BEGAIN: variants seen among roughly 807,000 people sequenced by gnomAD.
BEGAIN encodes the protein brain-enriched guanylate kinase-associated protein.
Under a neutral mutation model 35.8 loss-of-function variants are expected in BEGAIN, and 19 were observed. That is an observed-to-expected ratio of 0.53 (90% CI 0.37 to 0.78). BEGAIN has a LOEUF of 0.78. Ranked by LOEUF, BEGAIN falls within the 30% of genes least tolerant of loss-of-function variation. The probability of loss-of-function intolerance (pLI) is 0.00; values close to 1 mark genes in which losing one functional copy is unlikely to be tolerated. For synonymous variants in BEGAIN, 462 were observed against 388.6 expected, an observed-to-expected ratio of 1.19 and a Z score of -2.22; for missense variants, 795 against 853.6, an observed-to-expected ratio of 0.93 and a Z score of 0.85.
chr14:100,575,538 C>T (rs1278191317), intron 1 of BEGAIN, among the ~76,000 whole-genome samples: 2 of 152,144 alleles, frequency 1.3e-5, no homozygotes, highest in Admixed American at 6.5e-5. Context: ...TAGAATGAGA[C>T]TGACCCTAGG....
chr14:100,559,282 C>A (rs1262966421), intron 2 of BEGAIN, among the ~76,000 whole-genome samples: 1 of 152,132 alleles, frequency 6.6e-6, no homozygotes, highest in Admixed American at 6.5e-5. Flanking sequence ...ATCGCTACTC[C>A]CTCCTCTCTC....
chr14:100,585,194 CCCATCCATCCATCCATCCAT>C (rs141222958), intron 1 of BEGAIN, among the ~76,000 whole-genome samples: 3 of 103,046 alleles, frequency 2.9e-5, no homozygotes, highest in African/African-American at 1.3e-4. Context: ...GTCAATCCCT[CCCATCCATCCATCCATCCAT>C]CCATCCATCC....
intron 1 of BEGAIN, among the ~76,000 whole-genome samples, chr14:100,578,534 G>C (rs955380001): frequency 3.4e-4 from 52 of 152,254 alleles, no homozygotes; most frequent in African/African-American, 1.2e-3. Context: ...TCGGCTAAAA[G>C]ACCACCTTTC....
In BEGAIN at chr14:100,537,679, A is replaced by T; in HGVS notation, c.*290T>A. ...TAAGAAAGACCCTTTTTCTCTATAAAAATAGTTTCGCTTTATAAAAGGGGG... is the reference window on the plus strand; with the variant it reads ...TAAGAAAGACCCTTTTTCTCTATAATAATAGTTTCGCTTTATAAAAGGGGG... On this transcript the variant is annotated 3_prime_UTR_variant, in exon 7 of 7. Coordinates refer to ENST00000554140, the MANE Select transcript of BEGAIN (RefSeq NM_001385089.1). 1 of 413,198 alleles carries T rather than the reference A, an allele frequency of 2.4e-6. No individual in the cohort carries two copies. Among genetic ancestry groups the T allele is most frequent in the Non-Finnish European group, 4.3e-6 (1 of 233,842 alleles). 25.6% of individuals were successfully genotyped at this position (413,198 alleles called of 1,614,324 possible).
chr14:100,543,356 G>C (rs2031925106), intron 5 of BEGAIN, among the ~76,000 whole-genome samples: 1 of 151,814 alleles, frequency 6.6e-6, no homozygotes, highest in Non-Finnish European at 1.5e-5. Context: ...AGCCTAGTAG[G>C]GTCTGGCAAG....
At chr14:100,545,749 A>G (rs2140509940) in intron 3 of BEGAIN, among the ~76,000 whole-genome samples, 3 of 152,318 alleles carry the variant, frequency 2.0e-5, no homozygotes, top group Middle Eastern at 6.8e-3. Context: ...GCACTGCCCA[A>G]GCTTGGTTTC....
At chr14:100,546,266 A>G (rs547565953) in intron 3 of BEGAIN, 1 of 256,484 alleles carries the variant, frequency 3.9e-6, no homozygotes, top group African/African-American at 2.2e-5. Flanking sequence ...TGGACTCCCC[A>G]TCTGAGTGGA....
chr14:100,571,538 C>T (rs907744709), intron 1 of BEGAIN, among the ~76,000 whole-genome samples: 1 of 152,210 alleles, frequency 6.6e-6, no homozygotes, highest in African/African-American at 2.4e-5. Context: ...ATCAGCTGTG[C>T]ATTTGCAGTT....
chr14:100,581,423 C>CA (rs2035312824), intron 1 of BEGAIN, among the ~76,000 whole-genome samples: 1 of 152,096 alleles, frequency 6.6e-6, no homozygotes. Context: ...TGGACCTGCT[C>CA]ACCTACCAGC....
intron 2 of BEGAIN, among the ~76,000 whole-genome samples, chr14:100,562,795 CCTTT>C (rs1293586814): frequency 6.6e-6 from 1 of 152,180 alleles, no homozygotes; most frequent in Non-Finnish European, 1.5e-5. Context: ...TCACTGCCTT[CCTTT>C]CTTTTTGTCC....
intron 2 of BEGAIN, among the ~76,000 whole-genome samples, chr14:100,559,034 C>T (rs2034010209): frequency 6.6e-6 from 1 of 152,310 alleles, no homozygotes; most frequent in Admixed American, 6.5e-5. Context: ...GCAGAAGGCC[C>T]TGAGCATGTG....
At chr14:100,546,192 C>A (rs2140514073) in intron 3 of BEGAIN, 1 of 197,546 alleles carries the variant, frequency 5.1e-6, no homozygotes, top group Admixed American at 5.6e-5. Flanking sequence ...CTGCTGGGTT[C>A]AAATCCTGGC....
chr14:100,585,460 T>TTCATC, intron 1 of BEGAIN, among the ~76,000 whole-genome samples: 1 of 124,592 alleles, frequency 8.0e-6, no homozygotes, highest in African/African-American at 3.2e-5. Context: ...ATCCATCCAT[T>TTCATC]CATCCATCCA....
At position 100,538,092 on chromosome 14, in the gene BEGAIN, G is replaced by T; in HGVS notation, c.1716C>A (p.Ser572=). The change falls in exon 7 of 7, where the codon TCC becomes TCA. Residue 572 remains serine (S), a synonymous_variant. Coordinates refer to ENST00000554140, the MANE Select transcript of BEGAIN (RefSeq NM_001385089.1). ...GGCGGGCGGCAGGATGCATTTCCGG[G>T]GAGGCCTCCATGGAGCTCGGCTCCA... ...DSLEPSSMEA[S]PEMHPAARLS... The T allele has an allele frequency of 1.3e-6, 2 of 1,585,904 alleles. No individual in the cohort carries two copies. Among genetic ancestry groups the T allele is most frequent in the South Asian group, 2.3e-5 (2 of 87,098 alleles).
chr14:100,575,258 A>T (rs927387301), intron 1 of BEGAIN, among the ~76,000 whole-genome samples: 3 of 152,198 alleles, frequency 2.0e-5, no homozygotes, highest in African/African-American at 7.2e-5. Flanking sequence ...TCCAGAAAGC[A>T]TTCTGGGGAC....
chr14:100,564,281 C>T (rs1048975453), intron 2 of BEGAIN, among the ~76,000 whole-genome samples: 5 of 152,044 alleles, frequency 3.3e-5, no homozygotes, highest in African/African-American at 7.2e-5. Flanking sequence ...TCACAGTTCA[C>T]GACTTTGAAA....
chr14:100,556,014 T>G (rs1248474538), intron 2 of BEGAIN, among the ~76,000 whole-genome samples: 1 of 152,080 alleles, frequency 6.6e-6, no homozygotes, highest in Non-Finnish European at 1.5e-5. Flanking sequence ...TAGGCCTATG[T>G]GTATGTAGTG....
rs549530661 is a variant in BEGAIN at position 100,571,445 on chromosome 14, G to T, written c.43-3506C>A. Reference sequence around the variant, plus strand: ...ATGCCCGTCCACCCTTTCCTCTGCTGCTGTGTCCCCAGGGTGGCCTTGGGC... The same window carrying T: ...ATGCCCGTCCACCCTTTCCTCTGCTTCTGTGTCCCCAGGGTGGCCTTGGGC... On this transcript the variant is annotated intron_variant, in intron 1 of 6. Coordinates refer to ENST00000554140, the MANE Select transcript of BEGAIN (RefSeq NM_001385089.1). 4.6e-5 allele frequency among the ~76,000 whole-genome samples: 7 copies of T among 152,340 alleles called. No individual in the cohort carries two copies. The East Asian group carries it at 1.4e-3, about 29-fold the overall frequency.
At chr14:100,561,028 G>A (rs559006988) in intron 2 of BEGAIN, among the ~76,000 whole-genome samples, 2 of 102,034 alleles carry the variant, frequency 2.0e-5, no homozygotes, top group Admixed American at 1.9e-4. Context: ...TTTTCTGCCT[G>A]TGGTAGTTGG....
Sources: allele counts gnomAD v4.1 joint callset (sites outside exome capture counted in the v4.1 genomes callset), GRCh38; gene constraint gnomAD v4.1.1; transcripts MANE v1.5; gene names NCBI Gene and HGNC (gene_info 2026-07-23, HGNC 2026-07-21).